The following BRD10 variants were observed in gnomAD, a reference collection of about 807,000 sequenced individuals.
BRD10 encodes uncharacterized bromodomain-containing protein 10.
the BRD10 span, among the ~76,000 whole-genome samples, chr9:5,926,595 G>T: frequency 6.6e-6 from 1 of 151,850 alleles, no homozygotes; most frequent in African/African-American, 2.4e-5. Context: ...GCAGTGGCGC[G>T]ATCACAGCTC....
At chr9:5,893,743 T>C in the BRD10 span, among the ~76,000 whole-genome samples, 1 of 152,150 alleles carries the variant, frequency 6.6e-6, no homozygotes, top group Non-Finnish European at 1.5e-5. Flanking sequence ...GCCTGTTCGT[T>C]TTCTTCTTGC....
the BRD10 span, among the ~76,000 whole-genome samples, chr9:5,879,069 C>T: frequency 6.6e-5 from 10 of 152,266 alleles, no homozygotes; most frequent in East Asian, 1.9e-4. Flanking sequence ...GTTGTTCTGA[C>T]GCCTCATTAA....
At chr9:5,938,403 G>A in the BRD10 span, among the ~76,000 whole-genome samples, 5 of 152,092 alleles carry the variant, frequency 3.3e-5, no homozygotes, top group Non-Finnish European at 5.9e-5. Context: ...CTATGATCGT[G>A]CCATTGCACT....
At chr9:5,952,427 C>G in the BRD10 span, among the ~76,000 whole-genome samples, 46 of 152,260 alleles carry the variant, frequency 3.0e-4, no homozygotes, top group East Asian at 7.7e-3. Flanking sequence ...CAATTGAAAC[C>G]AAAGTTTCAC....
At chr9:5,924,498 T>C in the BRD10 span, among the ~76,000 whole-genome samples, 9 of 152,134 alleles carry the variant, frequency 5.9e-5, 1 homozygote, top group Non-Finnish European at 1.3e-4. Context: ...CCTAGGCTAG[T>C]AGAAACTTCT....
the BRD10 span, among the ~76,000 whole-genome samples, chr9:5,948,339 C>T: frequency 1.3e-5 from 2 of 152,086 alleles, no homozygotes; most frequent in African/African-American, 4.8e-5. Flanking sequence ...TATAACAACA[C>T]AAAAATAAAG....
At chr9:5,953,789 A>T in the BRD10 span, among the ~76,000 whole-genome samples, 2 of 152,036 alleles carry the variant, frequency 1.3e-5, no homozygotes, top group South Asian at 2.1e-4. Context: ...AAGATATAAA[A>T]AAGGGTTTTT....
At chr9:5,959,876 C>T in the BRD10 span, among the ~76,000 whole-genome samples, 4 of 152,144 alleles carry the variant, frequency 2.6e-5, no homozygotes, top group Non-Finnish European at 5.9e-5. Flanking sequence ...AGAAAGATCA[C>T]CCAAAAATGA....
the BRD10 span, among the ~76,000 whole-genome samples, chr9:5,993,531 T>TGCTA: frequency 6.6e-6 from 1 of 152,128 alleles, no homozygotes; most frequent in African/African-American, 2.4e-5. Context: ...AGCACTCCAG[T>TGCTA]GCTAGCCACA....
the BRD10 span, chr9:5,968,472 C>G: frequency 6.2e-7 from 1 of 1,611,448 alleles, no homozygotes; most frequent in Admixed American, 1.7e-5. Flanking sequence ...TCTAAATTTT[C>G]TTTACAACAA....
At chr9:5,879,602 A>G in the BRD10 span, among the ~76,000 whole-genome samples, 1 of 152,154 alleles carries the variant, frequency 6.6e-6, no homozygotes, top group Non-Finnish European at 1.5e-5. Context: ...TCTGGTGGCC[A>G]CCGCTGGCTC....
At chr9:5,921,521 A>G in the BRD10 span, 7 of 1,613,794 alleles carry the variant, frequency 4.3e-6, no homozygotes, top group African/African-American at 1.3e-5. Flanking sequence ...CGCAGGTGTC[A>G]TATTAATTGC....
chr9:5,907,688 C>T, the BRD10 span, among the ~76,000 whole-genome samples: 1 of 152,208 alleles, frequency 6.6e-6, no homozygotes, highest in East Asian at 1.9e-4. Context: ...CATGGTGGCT[C>T]ACACCTGTAA....
chr9:6,001,016 G>C, the BRD10 span, among the ~76,000 whole-genome samples: 1 of 152,046 alleles, frequency 6.6e-6, no homozygotes, highest in East Asian at 1.9e-4. Flanking sequence ...TTCTCAGCTG[G>C]GTATCTTCAA....
At chr9:5,937,065 A>G in the BRD10 span, among the ~76,000 whole-genome samples, 2 of 151,776 alleles carry the variant, frequency 1.3e-5, no homozygotes, top group African/African-American at 4.8e-5. Context: ...CCCTGTCTCT[A>G]TTAAAAATAC....
At chr9:5,991,149 A>AT in the BRD10 span, among the ~76,000 whole-genome samples, 4 of 141,544 alleles carry the variant, frequency 2.8e-5, no homozygotes. Flanking sequence ...AAATAATTAT[A>AT]TATGTGCATG....
the BRD10 span, among the ~76,000 whole-genome samples, chr9:5,965,820 G>A: frequency 1.1e-4 from 16 of 152,246 alleles, no homozygotes; most frequent in African/African-American, 3.6e-4. Context: ...GGTATGCCCC[G>A]AACTGACTAT....
the BRD10 span, chr9:5,920,445 G>T: frequency 6.2e-7 from 1 of 1,614,006 alleles, no homozygotes. Context: ...GAAGCCGTGT[G>T]AATGGTAGTG....
chr9:5,926,533 ATTTAT>A, the BRD10 span, among the ~76,000 whole-genome samples: 1 of 151,436 alleles, frequency 6.6e-6, no homozygotes. Flanking sequence ...TAAATTTTTT[ATTTAT>A]TTATTTTTTT....
Sources: gnomAD v4.1 joint callset for allele counts (sites outside exome capture counted in the v4.1 genomes callset) on GRCh38, gnomAD v4.1.1 for gene constraint, MANE v1.5 for transcripts, NCBI Gene and HGNC (gene_info 2026-07-23, HGNC 2026-07-21) for gene names.